The following TTLL9 variants were observed in gnomAD, a reference collection of about 807,000 sequenced individuals.
TTLL9 encodes the protein probable tubulin polyglutamylase TTLL9.
A neutral mutation model predicts 65.6 loss-of-function variants in TTLL9; 47 were observed. That is an observed-to-expected ratio of 0.72 (90% CI 0.57 to 0.91). The LOEUF is 0.91. Ranked by LOEUF, TTLL9 falls within the 40% of genes least tolerant of loss-of-function variation. The pLI, the probability that TTLL9 is intolerant of heterozygous loss-of-function variation, is 0.00. For synonymous variants in TTLL9, 179 were observed against 204.8 expected (o/e 0.87, Z 1.07); for missense variants, 537 against 568.8 (o/e 0.94, Z 0.57).
intron 13 of TTLL9, among the ~76,000 whole-genome samples, chr20:31,938,463 AGCCCTGCTCTGTACCAG>A (rs547931648): frequency 1.6e-4 from 24 of 152,326 alleles, no homozygotes; most frequent in African/African-American, 5.8e-4. Flanking sequence ...CAAACATTTG[AGCCCTGCTCTGTACCAG>A]GCCCTGTGCC....
chr20:31,934,608 CTG>C (rs1293549519), intron 11 of TTLL9, 82 bp from the exon 12 acceptor site: 18 of 1,280,450 alleles, frequency 1.4e-5, no homozygotes, highest in South Asian at 7.2e-5. Context: ...AAGGGAAACA[CTG>C]AGAGCAATTG....
intron 10 of TTLL9, among the ~76,000 whole-genome samples, chr20:31,929,027 C>T (rs948533279): frequency 2.6e-5 from 4 of 152,158 alleles, no homozygotes; most frequent in African/African-American, 9.7e-5. Context: ...AGGCACATGC[C>T]ACTGTGCCTG....
At chr20:31,906,928 G>A (rs1448370381) in intron 4 of TTLL9, among the ~76,000 whole-genome samples, 1 of 152,160 alleles carries the variant, frequency 6.6e-6, no homozygotes, top group Non-Finnish European at 1.5e-5. Context: ...GGGATTACAG[G>A]TGTGAGCCAG....
intron 8 of TTLL9, 47 bp downstream of exon 8, chr20:31,923,100 A>G (rs1442261117): frequency 1.3e-5 from 19 of 1,451,414 alleles, no homozygotes; most frequent in Non-Finnish European, 1.8e-5. Flanking sequence ...ATGGTCATCA[A>G]ACAGTCAGTC....
In TTLL9 at chr20:31,870,945, GA is replaced by G; in HGVS notation, c.-9del. The G allele has an allele frequency of 3.0e-6, 2 of 666,740 alleles. No individual in the cohort carries two copies. Among genetic ancestry groups the G allele is most frequent in the Non-Finnish European group, 5.4e-6 (2 of 367,122 alleles). 41.3% of individuals were successfully genotyped at this position (666,740 alleles called of 1,614,324 possible). A position where few individuals can be genotyped will look rare whatever the true frequency, so the allele number is the denominator to read the frequency against. ...GCTCTTCAGAGTCTGCTTGGAACGGGATAAGTGGGTAATTCCTTCCGATACA... is the reference window on the plus strand; with the variant it reads ...GCTCTTCAGAGTCTGCTTGGAACGGGTAAGTGGGTAATTCCTTCCGATACA... On this transcript the variant is annotated 5_prime_UTR_variant, in exon 1 of 15. The change abolishes the stop of an existing upstream ORF in the 5' untranslated region. Coordinates refer to ENST00000535842, the MANE Select transcript of TTLL9 (RefSeq NM_001008409.5). This position sits in a 1 kb window ranked among gnomAD's most constrained non-coding sequence, Gnocchi z 6.6.
intron 13 of TTLL9, chr20:31,938,285 C>T (rs543464615): frequency 2.2e-6 from 1 of 450,242 alleles, no homozygotes; most frequent in African/African-American, 2.0e-5. Flanking sequence ...GTGCCCACCT[C>T]CTAGGGAGTG....
At chr20:31,873,958 C>T (rs1482067754) in intron 2 of TTLL9, among the ~76,000 whole-genome samples, 3 of 152,216 alleles carry the variant, frequency 2.0e-5, no homozygotes, top group Admixed American at 6.5e-5. Flanking sequence ...GCTCTGCGAT[C>T]CTAGGCGGGT....
chr20:31,920,004 C>T, intron 7 of TTLL9, 72 bp downstream of exon 7: 1 of 1,348,556 alleles, frequency 7.4e-7, no homozygotes, highest in Non-Finnish European at 1.0e-6. Flanking sequence ...CCACTCCTTC[C>T]TGCAATCAAA....
Position 31,943,632 on chromosome 20 carries a change from C to T in TTLL9, c.*611C>T. 1 of 423,514 alleles carries T rather than the reference C, an allele frequency of 2.4e-6. No homozygotes were observed. Among genetic ancestry groups the T allele is most frequent in the Non-Finnish European group, 4.8e-6 (1 of 209,504 alleles). The allele number at this position is 423,514 out of a possible 1,614,324, so 26.2% of individuals were successfully genotyped here. A position where few individuals can be genotyped will look rare whatever the true frequency, so the allele number is the denominator to read the frequency against. On this transcript the variant is annotated 3_prime_UTR_variant, in exon 15 of 15. Transcript: ENST00000535842. ...GGAGCCCATGGGGCTCCCTGACCATCATCTGAAAACCAGTGGGACAGGGCA... is the reference window on the plus strand; with the variant it reads ...GGAGCCCATGGGGCTCCCTGACCATTATCTGAAAACCAGTGGGACAGGGCA...
intron 13 of TTLL9, 149 bp downstream of exon 13, chr20:31,937,658 G>C: frequency 1.6e-6 from 1 of 621,836 alleles, no homozygotes; most frequent in Non-Finnish European, 2.8e-6. Flanking sequence ...GAGAAGCTGA[G>C]ATGTCCACAG....
intron 10 of TTLL9, 56 bp from the exon 11 acceptor site, chr20:31,933,744 G>C: frequency 6.4e-7 from 1 of 1,561,892 alleles, no homozygotes; most frequent in Non-Finnish European, 8.8e-7. Flanking sequence ...GGGACTTCGT[G>C]GGGCAGAGCT....
chr20:31,872,667 G>A (rs2062954938), intron 2 of TTLL9, among the ~76,000 whole-genome samples: 1 of 152,086 alleles, frequency 6.6e-6, no homozygotes, highest in East Asian at 1.9e-4. Context: ...CTCAAGCCTG[G>A]GTGACAGAGC....
intron 6 of TTLL9, among the ~76,000 whole-genome samples, chr20:31,912,637 G>C (rs760134830): frequency 0.023 from 3,347 of 146,064 alleles, 49 homozygotes; most frequent in Middle Eastern, 0.085. Context: ...GTGTGTGTGT[G>C]TGTGTGTATG....
intron 9 of TTLL9, 41 bp from the exon 10 acceptor site, chr20:31,926,008 C>T (rs1339300012): frequency 1.2e-6 from 2 of 1,612,588 alleles, no homozygotes; most frequent in Admixed American, 1.7e-5. Context: ...TACCCCTTCC[C>T]ACACTCTGGC....
At chr20:31,887,098 C>A in intron 2 of TTLL9, 98 bp from the exon 3 acceptor site, 1 of 1,266,168 alleles carries the variant, frequency 7.9e-7, no homozygotes, top group Non-Finnish European at 1.1e-6. Flanking sequence ...ATTGTTGAGT[C>A]TGACGGTTTG....
chr20:31,888,047 G>C (rs555912364), intron 3 of TTLL9, among the ~76,000 whole-genome samples: 1 of 152,036 alleles, frequency 6.6e-6, no homozygotes, highest in Non-Finnish European at 1.5e-5. Flanking sequence ...ACCGTGACCA[G>C]CTAATTTTGT....
chr20:31,902,506 G>C (rs1213151713), intron 4 of TTLL9, among the ~76,000 whole-genome samples: 1 of 152,046 alleles, frequency 6.6e-6, no homozygotes, highest in African/African-American at 2.4e-5. Context: ...TCAGCCTCCT[G>C]AGTAGCTGGG....
At position 31,870,643 on chromosome 20, in the gene TTLL9, G is replaced by T; in HGVS notation, c.-312G>T. ...GGCCGGACAAAGCCCCAGTGTGCCG[G>T]GCCCACGGCCCGCGGGACAACGGCA... On this transcript the variant is annotated 5_prime_UTR_variant, in exon 1 of 15. Coordinates refer to ENST00000535842, the MANE Select transcript of TTLL9 (RefSeq NM_001008409.5). This position sits in a 1 kb window ranked among gnomAD's most constrained non-coding sequence, Gnocchi z 6.6. 5 of 1,294,072 alleles carry T rather than the reference G, an allele frequency of 3.9e-6. No homozygotes were observed. The highest frequency in any genetic ancestry group is 4.9e-6 in the Non-Finnish European group (5 of 1,014,918). The allele number at this position is 1,294,072 out of a possible 1,614,324, so 80.2% of individuals were successfully genotyped here.
intron 2 of TTLL9, among the ~76,000 whole-genome samples, chr20:31,881,367 C>G (rs1476782309): frequency 6.6e-6 from 1 of 152,296 alleles, no homozygotes; most frequent in East Asian, 1.9e-4. Context: ...ACAGTTGATA[C>G]ATGTTGAATG....
Sources: allele counts gnomAD v4.1 joint callset (sites outside exome capture counted in the v4.1 genomes callset), GRCh38; gene constraint gnomAD v4.1.1; non-coding constraint Gnocchi (gnomAD v3.1); transcripts MANE v1.5; gene names NCBI Gene and HGNC (gene_info 2026-07-23, HGNC 2026-07-21).